RYR3: variants seen among roughly 807,000 people sequenced by gnomAD.
The protein encoded by RYR3 is ryanodine receptor 3.
In RYR3, 207 loss-of-function variants were observed where a neutral mutation model predicts 584.3. The ratio of observed to expected loss-of-function variants is 0.35; its 90% CI spans 0.32 to 0.40. RYR3 has a LOEUF of 0.40. RYR3 is among the 10% of genes least tolerant of loss of function. RYR3 has a pLI of 1.00. For synonymous variants in RYR3, 2,416 were observed against 2,248.5 expected (o/e 1.07, Z -2.11); for missense variants, 5,616 against 6,089.2 (o/e 0.92, Z 2.59).
intron 27 of RYR3, among the ~76,000 whole-genome samples, chr15:33,639,386 T>C (rs186807248): frequency 1.3e-5 from 2 of 152,344 alleles, no homozygotes; most frequent in Admixed American, 6.5e-5. Flanking sequence ...AGGGTAGTTA[T>C]AAGGAAGTCG....
At position 33,422,230 on chromosome 15, in the gene RYR3, A is replaced by G. The variant is rs2044289777; in HGVS notation, c.52-51189A>G. On this transcript the variant is annotated intron_variant, in intron 1 of 103. Transcript: ENST00000634891. ...TTTGTTTTATTACTTGACACCTGGTATTCATACTTAAACTTGGTGTCCACT... is the reference window on the plus strand; with the variant it reads ...TTTGTTTTATTACTTGACACCTGGTGTTCATACTTAAACTTGGTGTCCACT... 2.6e-5 allele frequency among the ~76,000 whole-genome samples: 4 copies of G among 151,996 alleles called. No homozygotes were observed. In the South Asian group the frequency reaches 8.3e-4, roughly 32 times the overall value.
chr15:33,805,341 C>T (rs148157029), intron 69 of RYR3, among the ~76,000 whole-genome samples: 63 of 151,946 alleles, frequency 4.1e-4, no homozygotes, highest in Non-Finnish European at 6.2e-4. Flanking sequence ...TTCAGTGGAT[C>T]GAAAAAGGAC....
intron 1 of RYR3, among the ~76,000 whole-genome samples, chr15:33,362,042 A>G (rs1407623644): frequency 1.3e-5 from 2 of 152,098 alleles, no homozygotes; most frequent in East Asian, 1.9e-4. Context: ...ACCAGTGGCC[A>G]CTCACCCATT....
intron 1 of RYR3, among the ~76,000 whole-genome samples, chr15:33,471,797 T>C (rs1395652594): frequency 6.6e-6 from 1 of 152,156 alleles, no homozygotes; most frequent in African/African-American, 2.4e-5. Context: ...TACTACCTCT[T>C]GCATTGCTGA....
chr15:33,558,950 A>T (rs2057253038), intron 10 of RYR3, among the ~76,000 whole-genome samples: 1 of 152,050 alleles, frequency 6.6e-6, no homozygotes, highest in South Asian at 2.1e-4. Flanking sequence ...ATAGAAAGGG[A>T]TGGGCTGGCT....
At chr15:33,498,979 T>C (rs1014627522) in intron 2 of RYR3, among the ~76,000 whole-genome samples, 1 of 152,156 alleles carries the variant, frequency 6.6e-6, no homozygotes, top group African/African-American at 2.4e-5. Flanking sequence ...AAAATCCGTT[T>C]AGCCTTCTTA....
rs556514669 is a variant in RYR3, at chr15:33,743,758, C to T, written c.7899+1314C>T. Among the ~76,000 whole-genome samples the T allele has an allele frequency of 2.0e-4, 30 of 152,334 alleles. No homozygotes were observed. In the South Asian group the frequency reaches 5.8e-3, roughly 29 times the overall value. On this transcript the variant is annotated intron_variant, in intron 52 of 103. Coordinates refer to ENST00000634891, the MANE Select transcript of RYR3 (RefSeq NM_001036.6). ...AAGCTGCCATCGTCTTTCACCCAGA[C>T]GACTGGGATAAGCTCCTTGCAGGTC...
chr15:33,852,557 G>A (rs1373994243), intron 94 of RYR3: 1 of 156,496 alleles, frequency 6.4e-6, no homozygotes, highest in South Asian at 1.9e-4. Context: ...TAAACTAAAG[G>A]TGATTCCCAG....
intron 70 of RYR3, among the ~76,000 whole-genome samples, chr15:33,809,230 C>T (rs956019445): frequency 2.0e-5 from 3 of 152,192 alleles, no homozygotes; most frequent in African/African-American, 4.8e-5. Context: ...AGGCATCTGG[C>T]GTGCTTCCAG....
rs1021700728 is a variant in RYR3 at position 33,652,627 on chromosome 15, G to T, written c.4143-91G>T. ...CAGAAAGCTTCCTAGGAAAGTTTCT[G>T]TAGCCATTTTCATTTTTCATTTCAT... On this transcript the variant is annotated intron_variant, in intron 31 of 103. Transcript: ENST00000634891. 2.1e-5 allele frequency: 28 copies of T among 1,350,248 alleles called. No individual in the cohort carries two copies. In the African/African-American group the frequency reaches 3.1e-4, roughly 15 times the overall value. 83.6% of individuals were successfully genotyped at this position (1,350,248 alleles called of 1,614,324 possible).
intron 1 of RYR3, among the ~76,000 whole-genome samples, chr15:33,401,864 A>G (rs1022518905): frequency 6.6e-6 from 1 of 152,212 alleles, no homozygotes; most frequent in African/African-American, 2.4e-5. Flanking sequence ...AACAGTGATT[A>G]TCTCTGGGTG....
At chr15:33,489,810 T>A (rs1295807820) in intron 2 of RYR3, among the ~76,000 whole-genome samples, 1 of 152,226 alleles carries the variant, frequency 6.6e-6, no homozygotes, top group Non-Finnish European at 1.5e-5. Flanking sequence ...TAATTTATAC[T>A]ACCACCAACG....
rs538920164 is a variant in RYR3 at position 33,314,291 on chromosome 15, C to T, written c.51+3195C>T. Among the ~76,000 whole-genome samples the T allele has an allele frequency of 4.6e-5, 7 of 152,300 alleles. No individual in the cohort carries two copies. The South Asian group carries it at 1.5e-3, about 32-fold the overall frequency. ...TTGGCAGTGGCATCCTCCTCTCTTC[C>T]GATTGCTCTTGCTGACGTAGCCAGT... On this transcript the variant is annotated intron_variant, in intron 1 of 103. Transcript: ENST00000634891.
At position 33,838,731 on chromosome 15, in the gene RYR3, G is replaced by A. The variant is rs1003924284; in HGVS notation, c.12751G>A (p.Glu4251Lys). 24 of 1,613,924 alleles carry A rather than the reference G, an allele frequency of 1.5e-5. No homozygotes were observed. The highest frequency in any genetic ancestry group is 1.9e-5 in the Non-Finnish European group (23 of 1,179,868). The change falls in exon 89 of 104, where the codon GAG becomes AAG. Residue 4251 changes from glutamate to lysine, a missense_variant. Glu to Lys is a moderately conservative substitution (Grantham distance 56, BLOSUM62 1). Around this residue, in one of 9 missense-constraint regions of RYR3, gnomAD observed 918 missense variants for 887.4 expected, o/e 1.03. Coordinates refer to ENST00000634891, the MANE Select transcript of RYR3 (RefSeq NM_001036.6). ...FGIHDDTMEA[E>K]RAEVMEPGIT... ...TATCCATGATGACACTATGGAGGCTGAGAGGGCAGAGGTGATGGAGCCAGG... is the reference window on the plus strand; with the variant it reads ...TATCCATGATGACACTATGGAGGCTAAGAGGGCAGAGGTGATGGAGCCAGG...
intron 11 of RYR3, among the ~76,000 whole-genome samples, chr15:33,565,452 A>G (rs939557502): frequency 1.3e-5 from 2 of 152,208 alleles, no homozygotes; most frequent in African/African-American, 2.4e-5. Context: ...CCGGTATTCT[A>G]TTTCATCATA....
Position 33,311,210 on chromosome 15 carries a change from T to G in RYR3, c.51+114T>G, listed in dbSNP as rs1967214527. ...TGCCGGGTGCCCGGTGCCGGGCGCT[T>G]TCTCCGCACCCGCGGGCTGCAGAGG... On this transcript the variant is annotated intron_variant, in intron 1 of 103. Coordinates refer to ENST00000634891, the MANE Select transcript of RYR3 (RefSeq NM_001036.6). The surrounding 1 kb of genome is among the most constrained non-coding windows in gnomAD (Gnocchi z 4.4). The G allele has an allele frequency of 1.3e-6, 1 of 772,178 alleles. No individual in the cohort carries two copies. The highest frequency in any genetic ancestry group is 4.4e-5 in the Admixed American group (1 of 22,738). 47.8% of individuals were successfully genotyped at this position (772,178 alleles called of 1,614,324 possible).
Position 33,864,129 on chromosome 15 carries a change from T to G in RYR3, c.14466-9T>G. 6.2e-7 allele frequency: 1 copy of G among 1,607,814 alleles called. No homozygotes were observed. Among genetic ancestry groups the G allele is most frequent in the Non-Finnish European group, 8.5e-7 (1 of 1,175,558 alleles). ...CAGAGTATCTAATACTATCTTTTCC[T>G]CGTTCCAGGTTCTTTCTGATGTATT... is the stretch of plus-strand genomic sequence containing the variant. On this transcript the variant is annotated splice_polypyrimidine_tract_variant and intron_variant, in intron 102 of 103. Coordinates refer to ENST00000634891, the MANE Select transcript of RYR3 (RefSeq NM_001036.6).
Position 33,864,203 on chromosome 15 carries a change from A to G in RYR3, c.14517+14A>G. On this transcript the variant is annotated intron_variant, in intron 103 of 103. Transcript: ENST00000634891. ...CACACGGGTCAGGTGAGAAATTAAG[A>G]ATCATATACCCGTGTTAGATCTCCC... 1 of 1,600,202 alleles carries G rather than the reference A, an allele frequency of 6.2e-7. No individual in the cohort carries two copies. The highest frequency in any genetic ancestry group is 8.5e-7 in the Non-Finnish European group (1 of 1,170,308).
intron 50 of RYR3, among the ~76,000 whole-genome samples, chr15:33,739,220 G>C (rs771685756): frequency 3.3e-5 from 5 of 152,198 alleles, no homozygotes; most frequent in East Asian, 1.9e-4. Context: ...GGTTTTCTTA[G>C]AGAAATCTAG....
Sources: allele counts gnomAD v4.1 joint callset (sites outside exome capture counted in the v4.1 genomes callset), GRCh38; gene constraint gnomAD v4.1.1; regional missense constraint gnomAD v4.1.1; non-coding constraint Gnocchi (gnomAD v3.1); transcripts MANE v1.5; gene names NCBI Gene and HGNC (gene_info 2026-07-23, HGNC 2026-07-21).